BRINP1: variants seen among roughly 807,000 people sequenced by gnomAD.
BRINP1 encodes the protein BMP/retinoic acid inducible neural specific 1, also known as BMP/retinoic acid-inducible neural-specific protein 1.
Under a neutral mutation model 72.9 loss-of-function variants are expected in BRINP1, and 17 were observed. That is an observed-to-expected ratio of 0.23 (90% CI 0.16 to 0.35). The LOEUF is 0.35. Among genes scored for constraint, BRINP1 ranks in the 10% least tolerant of loss-of-function variants. The pLI is 1.00. For synonymous variants in BRINP1, 418 were observed against 378.5 expected (o/e 1.10, Z -1.21); for missense variants, 850 against 1,001.6 (o/e 0.85, Z 2.04).
intron 7 of BRINP1, among the ~76,000 whole-genome samples, chr9:119,187,290 C>G (rs1277750348): frequency 6.6e-6 from 1 of 151,886 alleles, no homozygotes; most frequent in Non-Finnish European, 1.5e-5. Flanking sequence ...ATACCCAACT[C>G]CGAAAGGAAT....
chr9:119,239,480 T>C (rs1342702941), intron 4 of BRINP1, among the ~76,000 whole-genome samples: 1 of 152,228 alleles, frequency 6.6e-6, no homozygotes, highest in Non-Finnish European at 1.5e-5. Flanking sequence ...AACCTTGAAA[T>C]AAGAATGGCT....
At position 119,208,891 on chromosome 9, in the gene BRINP1, T is replaced by TGGTC. The variant is rs771311768; in HGVS notation, c.969_972dup (p.Ile325AspfsTer12). 6.2e-7 allele frequency: 1 copy of TGGTC among 1,614,164 alleles called. No individual in the cohort carries two copies. The highest frequency in any genetic ancestry group is 8.5e-7 in the Non-Finnish European group (1 of 1,180,028). On this transcript the variant is annotated frameshift_variant, in exon 7 of 8. Coordinates refer to ENST00000265922, the MANE Select transcript of BRINP1 (RefSeq NM_014618.3). LOFTEE classifies it high-confidence loss of function. ...CCCCAGTGCTGATGGATGCTTCCGA[T>TGGTC]GGTCAGGAAGTGGTTGCTGGGGAGG...
chr9:119,338,716 C>CAAAAAAA (rs560291604), intron 1 of BRINP1, among the ~76,000 whole-genome samples: 1 of 108,538 alleles, frequency 9.2e-6, no homozygotes. Context: ...ACTAAAAATA[C>CAAAAAAA]AAAAAAAAAA....
At chr9:119,237,508 G>T (rs941297603) in intron 5 of BRINP1, among the ~76,000 whole-genome samples, 3 of 151,844 alleles carry the variant, frequency 2.0e-5, no homozygotes, top group Non-Finnish European at 2.9e-5. Flanking sequence ...GACTACAGGC[G>T]CCTGCCACCA....
chr9:119,256,208 A>T (rs1341050487), intron 2 of BRINP1, among the ~76,000 whole-genome samples: 1 of 152,194 alleles, frequency 6.6e-6, no homozygotes, highest in Non-Finnish European at 1.5e-5. Flanking sequence ...CAGGCTTAGG[A>T]TTATATTAAA....
chr9:119,175,113 A>AAAG (rs1167012192), intron 7 of BRINP1, among the ~76,000 whole-genome samples: 3 of 141,664 alleles, frequency 2.1e-5, no homozygotes, highest in African/African-American at 5.7e-5. Flanking sequence ...AACTTAAAGT[A>AAAG]AAGTATAAAA....
chr9:119,218,681 C>A (rs936355197), intron 5 of BRINP1, among the ~76,000 whole-genome samples: 1 of 151,802 alleles, frequency 6.6e-6, no homozygotes, highest in South Asian at 2.1e-4. Context: ...TGGCTTACAA[C>A]CCCTGTGGTG....
At position 119,168,176 on chromosome 9, in the gene BRINP1, A is replaced by G. The variant is rs777915015; in HGVS notation, c.1194T>C (p.Asn398=). ...GGAAGGTTCCCCAAAACCCATTCTC[A>G]TTACAGTAGAGGAGTGACTGGACCC... is the stretch of plus-strand genomic sequence containing the variant. The part of the protein sequence containing the change: ...LARVQSLLYC[N]ENGFWGTFLE... The change falls in exon 8 of 8, where the codon AAT becomes AAC. Residue 398 remains asparagine (N), a synonymous_variant. Coordinates refer to ENST00000265922, the MANE Select transcript of BRINP1 (RefSeq NM_014618.3). 17 of 1,565,642 alleles carry G rather than the reference A, an allele frequency of 1.1e-5. No individual in the cohort carries two copies. The highest frequency in any genetic ancestry group is 1.8e-5 in the Admixed American group (1 of 55,228).
At chr9:119,264,056 A>G (rs889758128) in intron 2 of BRINP1, among the ~76,000 whole-genome samples, 15 of 152,192 alleles carry the variant, frequency 9.9e-5, no homozygotes, top group African/African-American at 3.6e-4. Flanking sequence ...CTGGCAAGTT[A>G]CCTTAGGACT....
At position 119,228,433 on chromosome 9, in the gene BRINP1, G is replaced by GA. The variant is rs558428903; in HGVS notation, c.685+10221dup. ...AAGAGGCCTATACTCTAATCTAATA[G>GA]AAAAGATAGAAAACTAAACATAAAT... is the stretch of plus-strand genomic sequence containing the variant. On this transcript the variant is annotated intron_variant, in intron 5 of 7. Transcript: ENST00000265922. Among the ~76,000 whole-genome samples, 9 of 151,452 alleles carry GA rather than the reference G, an allele frequency of 5.9e-5. No homozygotes were observed. The South Asian group carries it at 1.7e-3, about 28-fold the overall frequency.
intron 2 of BRINP1, among the ~76,000 whole-genome samples, chr9:119,267,247 A>G (rs1588184094): frequency 6.6e-6 from 1 of 152,242 alleles, no homozygotes; most frequent in East Asian, 1.9e-4. Context: ...ATCTGGATCA[A>G]CAGTGATGCC....
At chr9:119,216,834 G>C (rs989567130) in intron 5 of BRINP1, among the ~76,000 whole-genome samples, 2 of 152,150 alleles carry the variant, frequency 1.3e-5, no homozygotes, top group Non-Finnish European at 2.9e-5. Flanking sequence ...CATTTGGCAA[G>C]GATACAAAAG....
At chr9:119,252,889 C>T (rs775563266) in intron 2 of BRINP1, among the ~76,000 whole-genome samples, 33 of 152,242 alleles carry the variant, frequency 2.2e-4, no homozygotes, top group Non-Finnish European at 4.0e-4. Context: ...CAGTCTTTGA[C>T]GTTCACCAGC....
chr9:119,241,922 G>T lies in BRINP1; in HGVS notation c.579+125C>A, dbSNP rs543932940. The stretch of plus-strand genomic sequence containing the variant: ...ACAATATCAGTCAAAGCAGCTGGCA[G>T]AGGGCATCACGAGCTACATGGTTAT... On this transcript the variant is annotated intron_variant, in intron 4 of 7. Coordinates refer to ENST00000265922, the MANE Select transcript of BRINP1 (RefSeq NM_014618.3). The T allele has an allele frequency of 1.5e-5, 15 of 974,006 alleles. No homozygotes were observed. In the East Asian group the frequency reaches 2.9e-4, roughly 19 times the overall value. 60.3% of individuals were successfully genotyped at this position (974,006 alleles called of 1,614,324 possible). A position where few individuals can be genotyped will look rare whatever the true frequency, so the allele number is the denominator to read the frequency against.
intron 1 of BRINP1, among the ~76,000 whole-genome samples, chr9:119,363,533 A>C (rs1831656728): frequency 6.6e-6 from 1 of 152,218 alleles, no homozygotes; most frequent in Non-Finnish European, 1.5e-5. Context: ...ACTCAATCGA[A>C]AATTATACCA....
chr9:119,220,100 C>A (rs1054957361), intron 5 of BRINP1, among the ~76,000 whole-genome samples: 1 of 152,114 alleles, frequency 6.6e-6, no homozygotes, highest in African/African-American at 2.4e-5. Flanking sequence ...AAGGGTGACA[C>A]AAAGCAGAAA....
intron 5 of BRINP1, among the ~76,000 whole-genome samples, chr9:119,230,551 G>A (rs1830139098): frequency 6.6e-6 from 1 of 151,956 alleles, no homozygotes. Flanking sequence ...TTGGCATTGA[G>A]AGATGGGCCA....
chr9:119,325,301 C>T (rs1831228805), intron 1 of BRINP1, among the ~76,000 whole-genome samples: 1 of 152,074 alleles, frequency 6.6e-6, no homozygotes, highest in African/African-American at 2.4e-5. Flanking sequence ...TCATTATCAC[C>T]CTCTCAAACT....
chr9:119,180,981 T>C (rs538765042), intron 7 of BRINP1, among the ~76,000 whole-genome samples: 15 of 152,240 alleles, frequency 9.9e-5, no homozygotes, highest in African/African-American at 2.6e-4. Flanking sequence ...AGGAGCCTAA[T>C]TGAGGAGGAT....
Sources: allele counts gnomAD v4.1 joint callset (sites outside exome capture counted in the v4.1 genomes callset), GRCh38; gene constraint gnomAD v4.1.1; transcripts MANE v1.5; gene names NCBI Gene and HGNC (gene_info 2026-07-23, HGNC 2026-07-21).